Variants in CTNNA3 observed in about 807,000 individuals in gnomAD.
The protein encoded by CTNNA3 is catenin alpha 3.
In CTNNA3, 76 loss-of-function variants were observed where a neutral mutation model predicts 95.7. The ratio of observed to expected loss-of-function variants is 0.79; its 90% CI spans 0.66 to 0.96. The LOEUF (loss-of-function observed/expected upper bound fraction) is 0.96. Among genes scored for constraint, CTNNA3 ranks in the 40% least tolerant of loss-of-function variants. CTNNA3 has a pLI of 0.00. For synonymous variants in CTNNA3, 431 were observed against 374.4 expected, an observed-to-expected ratio of 1.15 and a Z score of -1.74; for missense variants, 1,191 against 1,089.8, an observed-to-expected ratio of 1.09 and a Z score of -1.31.
At chr10:67,359,604 A>G (rs1380988895) in intron 5 of CTNNA3, among the ~76,000 whole-genome samples, 1 of 152,198 alleles carries the variant, frequency 6.6e-6, no homozygotes, top group Non-Finnish European at 1.5e-5. Flanking sequence ...AGCTTCAATA[A>G]CAGACTAGAC....
At chr10:65,989,219 G>A (rs887484549) in intron 15 of CTNNA3, among the ~76,000 whole-genome samples, 1 of 152,184 alleles carries the variant, frequency 6.6e-6, no homozygotes, top group Admixed American at 6.5e-5. Flanking sequence ...GATTACAGGC[G>A]TGAGCCGCCG....
intron 10 of CTNNA3, among the ~76,000 whole-genome samples, chr10:66,563,336 A>T (rs1163124108): frequency 6.6e-6 from 1 of 152,136 alleles, no homozygotes; most frequent in Non-Finnish European, 1.5e-5. Flanking sequence ...AGAAGAATTA[A>T]AAGTAATTCT....
At chr10:66,287,621 T>C (rs972133070) in intron 12 of CTNNA3, among the ~76,000 whole-genome samples, 1 of 152,010 alleles carries the variant, frequency 6.6e-6, no homozygotes, top group Non-Finnish European at 1.5e-5. Context: ...AGCAAAATAT[T>C]AAAATCAGAT....
At chr10:66,574,871 T>G (rs1490631641) in intron 10 of CTNNA3, among the ~76,000 whole-genome samples, 3 of 152,130 alleles carry the variant, frequency 2.0e-5, no homozygotes, top group African/African-American at 7.2e-5. Flanking sequence ...GGAGTCTATA[T>G]TAACTGCATC....
intron 9 of CTNNA3, among the ~76,000 whole-genome samples, chr10:66,645,482 A>C (rs752366642): frequency 9.2e-5 from 14 of 152,088 alleles, no homozygotes; most frequent in Non-Finnish European, 1.8e-4. Context: ...TCTTCTATTA[A>C]ATTGGTTTTG....
At chr10:66,580,844 G>T (rs112922372) in intron 10 of CTNNA3, among the ~76,000 whole-genome samples, 2,330 of 151,772 alleles carry the variant, frequency 0.015, 58 homozygotes, top group African/African-American at 0.053. Flanking sequence ...GGATATTAGT[G>T]CATGCATTAT....
At chr10:66,069,638 G>T (rs1589322570) in intron 14 of CTNNA3, 149 bp from the exon 15 acceptor site, 1 of 551,194 alleles carries the variant, frequency 1.8e-6, no homozygotes, top group East Asian at 3.2e-5. Context: ...AACTTTCCAG[G>T]CTTAATATTT....
At chr10:66,807,593 G>A (rs1004597352) in intron 7 of CTNNA3, among the ~76,000 whole-genome samples, 12 of 152,262 alleles carry the variant, frequency 7.9e-5, no homozygotes, top group African/African-American at 2.9e-4. Flanking sequence ...CACCCGTTGT[G>A]TGGGTAACAC....
chr10:67,694,368 G>A (rs1427819524), intron 1 of CTNNA3, among the ~76,000 whole-genome samples: 1 of 151,990 alleles, frequency 6.6e-6, no homozygotes, highest in Non-Finnish European at 1.5e-5. Context: ...ATATCATTTG[G>A]TAGACTAGGA....
intron 15 of CTNNA3, among the ~76,000 whole-genome samples, chr10:66,067,803 C>G (rs2080344808): frequency 6.6e-6 from 1 of 152,070 alleles, no homozygotes; most frequent in South Asian, 2.1e-4. Context: ...GTAGTCCCAG[C>G]TACTCGGGAG....
chr10:66,518,519 G>A (rs1295643188), intron 11 of CTNNA3, among the ~76,000 whole-genome samples: 1 of 152,076 alleles, frequency 6.6e-6, no homozygotes, highest in African/African-American at 2.4e-5. Flanking sequence ...ACTTTGTGAA[G>A]TCTATATGAA....
At chr10:66,500,248 A>G (rs1840237321) in intron 11 of CTNNA3, among the ~76,000 whole-genome samples, 2 of 152,214 alleles carry the variant, frequency 1.3e-5, no homozygotes, top group African/African-American at 4.8e-5. Flanking sequence ...TTATAAATTT[A>G]TTTAGTGAAA....
At chr10:67,023,359 A>G (rs1275099110) in intron 7 of CTNNA3, among the ~76,000 whole-genome samples, 1 of 152,160 alleles carries the variant, frequency 6.6e-6, no homozygotes, top group African/African-American at 2.4e-5. Flanking sequence ...ATGGCTTTTC[A>G]TGCTTCCTGA....
At chr10:67,014,299 A>AAATTGT (rs1166459166) in intron 7 of CTNNA3, among the ~76,000 whole-genome samples, 1 of 152,154 alleles carries the variant, frequency 6.6e-6, no homozygotes, top group Non-Finnish European at 1.5e-5. Context: ...GTTTACACAA[A>AAATTGT]AATTGTAATT....
intron 7 of CTNNA3, among the ~76,000 whole-genome samples, chr10:67,063,948 G>A (rs536597330): frequency 3.3e-5 from 5 of 152,224 alleles, no homozygotes; most frequent in East Asian, 1.9e-4. Flanking sequence ...ACACACACTC[G>A]TCAGCTAATC....
intron 5 of CTNNA3, among the ~76,000 whole-genome samples, chr10:67,269,510 T>C (rs1462608012): frequency 1.3e-5 from 2 of 152,168 alleles, no homozygotes; most frequent in Admixed American, 6.5e-5. Flanking sequence ...ACACATGCAT[T>C]GAGCTCTGTA....
At chr10:66,073,004 G>T (rs1478094934) in intron 14 of CTNNA3, among the ~76,000 whole-genome samples, 1 of 152,114 alleles carries the variant, frequency 6.6e-6, no homozygotes, top group Non-Finnish European at 1.5e-5. Flanking sequence ...AGGAAATTAT[G>T]TTAAGTGAAA....
chr10:67,487,064 C>T (rs1227845237), intron 5 of CTNNA3, among the ~76,000 whole-genome samples: 2 of 152,190 alleles, frequency 1.3e-5, no homozygotes. Context: ...GTGTCCCAGG[C>T]AATGCTCCCC....
intron 8 of CTNNA3, among the ~76,000 whole-genome samples, chr10:66,773,252 A>G (rs1840167417): frequency 6.6e-6 from 1 of 152,192 alleles, no homozygotes; most frequent in African/African-American, 2.4e-5. Context: ...CACTTCTCCT[A>G]CAACAGACAG....
Sources: allele counts gnomAD v4.1 joint callset (sites outside exome capture counted in the v4.1 genomes callset), GRCh38; gene constraint gnomAD v4.1.1; transcripts MANE v1.5; gene names NCBI Gene and HGNC (gene_info 2026-07-23, HGNC 2026-07-21).